Variants in TPR observed in about 807,000 individuals in gnomAD.
TPR encodes nucleoprotein TPR.
In TPR, 51 loss-of-function variants were observed where a neutral mutation model predicts 316.1. The observed-to-expected ratio is 0.16, with a 90% confidence interval of 0.13 to 0.20. The LOEUF (loss-of-function observed/expected upper bound fraction) is 0.20. TPR is among the 10% of genes least tolerant of loss of function. The pLI is 1.00. For missense variants in TPR, 2,272 were observed against 2,754.8 expected (o/e 0.82, Z 3.92); for synonymous variants, 981 against 914.7 (o/e 1.07, Z -1.31).
At position 186,353,740 on chromosome 1, in the gene TPR, T is replaced by C; in HGVS notation, c.2282A>G (p.Asn761Ser). 1 of 1,614,158 alleles carries C rather than the reference T, an allele frequency of 6.2e-7. No homozygotes were observed. Among genetic ancestry groups the C allele is most frequent in the Non-Finnish European group, 8.5e-7 (1 of 1,180,010 alleles). Residue 761 changes from asparagine (N) to serine (S), a missense_variant, in exon 18 of 51, where the codon AAT becomes AGT. Transcript: ENST00000367478. ...TCCTCTCAAATCTTGAGTCATCGTA[T>C]TGATAATCTGTTCTTGCTTTTGAGT... ...ATTQKQEQII[N>S]TMTQDLRGAN...
At chr1:186,333,451 T>G (rs1571610959) in intron 36 of TPR, 57 bp from the exon 37 acceptor site, 6 of 1,578,910 alleles carry the variant, frequency 3.8e-6, no homozygotes, top group Non-Finnish European at 5.2e-6. Flanking sequence ...AAGCTGAAAT[T>G]ATCCTTCCTA....
At chr1:186,321,932 T>C (rs921475855) in intron 45 of TPR, among the ~76,000 whole-genome samples, 4 of 152,344 alleles carry the variant, frequency 2.6e-5, no homozygotes, top group Non-Finnish European at 4.4e-5. Context: ...TTAATTCTTA[T>C]AACTTATGCA....
chr1:186,345,477 CTTGAATTT>C (rs990982100), intron 24 of TPR, 95 bp downstream of exon 24: 106 of 901,808 alleles, frequency 1.2e-4, no homozygotes, highest in Admixed American at 5.7e-4. Context: ...TGGAAATTAT[CTTGAATTT>C]TTGTAAGGTC....
intron 42 of TPR, among the ~76,000 whole-genome samples, chr1:186,325,091 AC>A (rs1457788403): frequency 6.6e-6 from 1 of 152,126 alleles, no homozygotes; most frequent in Non-Finnish European, 1.5e-5. Flanking sequence ...CCTTTTAAAT[AC>A]CCAGGCCTCT....
rs1239003136 is a variant in TPR at position 186,326,037 on chromosome 1, T to C, written c.6021+67A>G. On this transcript the variant is annotated intron_variant, in intron 41 of 50. Coordinates refer to ENST00000367478, the MANE Select transcript of TPR (RefSeq NM_003292.3). ...AATTTCATAAGCCTTTCTATATCCT[T>C]GGAAAACAGCAAGTGAAAGAAAGCT... is the stretch of plus-strand genomic sequence containing the variant. 8 of 1,602,670 alleles carry C rather than the reference T, an allele frequency of 5.0e-6. No individual in the cohort carries two copies. In the East Asian group the frequency reaches 1.8e-4, roughly 36 times the overall value.
At position 186,312,034 on chromosome 1, in the gene TPR, A is replaced by T. The variant is rs1657284302; in HGVS notation, c.*1937T>A. 1.5e-6 allele frequency: 1 copy of T among 664,264 alleles called. No homozygotes were observed. The highest frequency in any genetic ancestry group is 2.6e-6 in the Non-Finnish European group (1 of 390,144). 41.1% of individuals were successfully genotyped at this position (664,264 alleles called of 1,614,324 possible). On this transcript the variant is annotated 3_prime_UTR_variant, in exon 51 of 51. Transcript: ENST00000367478. ...ATTATTTTTATAATACCCTTGACTA[A>T]TAGCCATTATTAATATCAATATATT...
intron 26 of TPR, 75 bp downstream of exon 26, chr1:186,343,829 TTC>T: frequency 8.0e-7 from 1 of 1,248,946 alleles, no homozygotes; most frequent in Non-Finnish European, 1.1e-6. Context: ...TATAATCTCC[TTC>T]TCTAATTTAT....
intron 39 of TPR, 83 bp downstream of exon 39, chr1:186,331,414 AG>A: frequency 4.3e-6 from 4 of 931,122 alleles, no homozygotes; most frequent in Non-Finnish European, 4.9e-6. Context: ...AAAAAAAAAA[AG>A]ACCAAATAAT....
At chr1:186,353,666 G>C in intron 18 of TPR, 22 bp downstream of exon 18, 1 of 1,603,354 alleles carries the variant, frequency 6.2e-7, no homozygotes, top group Non-Finnish European at 8.5e-7. Context: ...AATGCAAGTT[G>C]GACAAGGGAT....
chr1:186,327,777 C>T, intron 39 of TPR, 117 bp from the exon 40 acceptor site: 1 of 881,242 alleles, frequency 1.1e-6, no homozygotes, highest in Admixed American at 2.8e-5. Flanking sequence ...GGACTAGCAG[C>T]ATTTAATTTA....
At chr1:186,318,396 T>C in intron 48 of TPR, 51 bp downstream of exon 48, 1 of 1,552,800 alleles carries the variant, frequency 6.4e-7, no homozygotes, top group Non-Finnish European at 8.7e-7. Context: ...AAAACAAATG[T>C]ACAAGTCTGT....
At chr1:186,343,234 G>A in intron 27 of TPR, 92 bp downstream of exon 27, 1 of 1,471,454 alleles carries the variant, frequency 6.8e-7, no homozygotes, top group South Asian at 1.4e-5. Flanking sequence ...CTTACTTCAA[G>A]TTAAATTTTA....
At chr1:186,365,101 C>CTTTTT (rs1291276459) in intron 4 of TPR, among the ~76,000 whole-genome samples, 27 of 63,688 alleles carry the variant, frequency 4.2e-4, no homozygotes, top group African/African-American at 2.0e-3. Flanking sequence ...AAGGGGCTGC[C>CTTTTT]CTTTTTTTTT....
chr1:186,316,053 G>T (rs1657602653), intron 49 of TPR, among the ~76,000 whole-genome samples: 1 of 151,334 alleles, frequency 6.6e-6, no homozygotes, highest in African/African-American at 2.4e-5. Context: ...TAAATTTAAA[G>T]ACATCGTAAT....
Position 186,347,313 on chromosome 1 carries a change from T to C in TPR, c.2922A>G (p.Glu974=), listed in dbSNP as rs373003716. Reference sequence around the variant, plus strand: ...ATACCTGTTTTTCCTTGTTCAGGGATTCTTCTAAACTAGTAACCATTGCTT... The same window carrying C: ...ATACCTGTTTTTCCTTGTTCAGGGACTCTTCTAAACTAGTAACCATTGCTT... ...QYQAMVTSLE[E]SLNKEKQVTE... The change falls in exon 22 of 51, where the codon GAA becomes GAG. Residue 974 remains glutamate (E), a synonymous_variant. Transcript: ENST00000367478. 59 of 1,613,834 alleles carry C rather than the reference T, an allele frequency of 3.7e-5. No homozygotes were observed. The highest frequency in any genetic ancestry group is 4.4e-5 in the Non-Finnish European group (52 of 1,179,876).
At chr1:186,355,579 G>A (rs780938801) in intron 16 of TPR, 21 bp from the exon 17 acceptor site, 12 of 1,612,192 alleles carry the variant, frequency 7.4e-6, no homozygotes, top group Admixed American at 1.7e-5. Flanking sequence ...GAGATTATGA[G>A]AAGGTAACAC....
In TPR at chr1:186,311,983, C is replaced by A. The variant is rs942595139; in HGVS notation, c.*1988G>T. 5 of 579,412 alleles carry A rather than the reference C, an allele frequency of 8.6e-6. No individual in the cohort carries two copies. The highest frequency in any genetic ancestry group is 1.2e-5 in the Non-Finnish European group (4 of 332,434). The allele number at this position is 579,412 out of a possible 1,614,324, so 35.9% of individuals were successfully genotyped here. On this transcript the variant is annotated 3_prime_UTR_variant, in exon 51 of 51. Coordinates refer to ENST00000367478, the MANE Select transcript of TPR (RefSeq NM_003292.3). ...AACTATGTAATTTGCTGCATCTATT[C>A]ATTCAACAAGTATTTCAGTTTAATA...
At chr1:186,338,881 T>C (rs1275262259) in intron 30 of TPR, among the ~76,000 whole-genome samples, 46 of 152,138 alleles carry the variant, frequency 3.0e-4, no homozygotes. Context: ...TTTTGAATCT[T>C]AGGCTCCTCA....
intron 2 of TPR, 41 bp downstream of exon 2, chr1:186,373,318 G>A (rs773794038): frequency 1.7e-5 from 24 of 1,446,996 alleles, no homozygotes; most frequent in Admixed American, 1.3e-4. Flanking sequence ...TGAAGATTTC[G>A]ATACTCCGAG....
Sources: gnomAD v4.1 joint callset for allele counts (sites outside exome capture counted in the v4.1 genomes callset) on GRCh38, gnomAD v4.1.1 for gene constraint, MANE v1.5 for transcripts, NCBI Gene and HGNC (gene_info 2026-07-23, HGNC 2026-07-21) for gene names.